The following LARGE1 variants were observed in gnomAD, a reference collection of about 807,000 sequenced individuals.
LARGE1 encodes the protein LARGE xylosyl- and glucuronyltransferase 1.
A neutral mutation model predicts 87.6 loss-of-function variants in LARGE1; 43 were observed. The observed-to-expected ratio is 0.49, with a 90% confidence interval of 0.38 to 0.63. The LOEUF (loss-of-function observed/expected upper bound fraction) is 0.63, where lower values mean the gene tolerates loss of function less well. Ranked by LOEUF, LARGE1 falls within the 30% of genes least tolerant of loss-of-function variation. The probability of loss-of-function intolerance (pLI) is 0.00; values close to 1 mark genes in which losing one functional copy is unlikely to be tolerated. For synonymous variants in LARGE1, 434 were observed against 394.6 expected (o/e 1.10, Z -1.18); for missense variants, 802 against 1,000.2 (o/e 0.80, Z 2.67).
At chr22:33,708,125 G>GA (rs2082616419) in intron 2 of LARGE1, among the ~76,000 whole-genome samples, 1 of 152,124 alleles carries the variant, frequency 6.6e-6, no homozygotes, top group African/African-American at 2.4e-5. Flanking sequence ...TCAGGCTCAG[G>GA]ACTAAGAAAG....
intron 11 of LARGE1, among the ~76,000 whole-genome samples, chr22:33,260,492 G>A (rs2145745160): frequency 6.6e-6 from 1 of 152,338 alleles, no homozygotes; most frequent in East Asian, 1.9e-4. Context: ...TGGGCTGTGA[G>A]TCTCTTATGT....
chr22:33,804,162 T>C (rs2086244103), intron 1 of LARGE1, among the ~76,000 whole-genome samples: 1 of 152,168 alleles, frequency 6.6e-6, no homozygotes, highest in African/African-American at 2.4e-5. Flanking sequence ...TAACATAACT[T>C]TTTGGGAAGT....
chr22:33,404,834 T>C lies in LARGE1; in HGVS notation c.893-20530A>G, dbSNP rs768779461. ...GCCAAACTTTGCAGTATCTACTGAG[T>C]ACAGGGTGAACTTTCTCCCTAGCAA... is the stretch of plus-strand genomic sequence containing the variant. On this transcript the variant is annotated intron_variant, in intron 7 of 14. Transcript: ENST00000397394. Among the ~76,000 whole-genome samples, 29 of 152,254 alleles carry C rather than the reference T, an allele frequency of 1.9e-4. 2 individuals carry two copies. Among genetic ancestry groups the C allele is most frequent in the Middle Eastern group, 3.4e-3 (1 of 294 alleles).
intron 9 of LARGE1, among the ~76,000 whole-genome samples, chr22:33,362,851 G>A (rs539586243): frequency 1.1e-4 from 17 of 149,618 alleles, no homozygotes; most frequent in Middle Eastern, 3.5e-3. Flanking sequence ...ACCCAGGACC[G>A]TCCTCCAATT....
At chr22:33,829,532 G>A (rs1208102106) in intron 1 of LARGE1, among the ~76,000 whole-genome samples, 5 of 152,148 alleles carry the variant, frequency 3.3e-5, no homozygotes, top group African/African-American at 4.8e-5. Context: ...CTGGCACACA[G>A]TAGGTGCTCA....
chr22:33,533,631 A>G (rs1334687297), intron 6 of LARGE1, among the ~76,000 whole-genome samples: 1 of 152,228 alleles, frequency 6.6e-6, no homozygotes, highest in African/African-American at 2.4e-5. Flanking sequence ...ACGTTAGCCC[A>G]GCAACTGCAC....
intron 1 of LARGE1, among the ~76,000 whole-genome samples, chr22:33,842,062 A>C (rs1022190753): frequency 6.6e-6 from 1 of 152,260 alleles, no homozygotes. Flanking sequence ...TGTAACATTA[A>C]ACACAGTTAC....
chr22:33,359,054 T>A (rs2064284590), intron 9 of LARGE1, among the ~76,000 whole-genome samples: 1 of 151,084 alleles, frequency 6.6e-6, no homozygotes, highest in African/African-American at 2.4e-5. Context: ...ATTAAGGGGC[T>A]CTGTTCTGGA....
At chr22:33,774,542 A>G (rs554093553) in intron 1 of LARGE1, among the ~76,000 whole-genome samples, 1 of 148,768 alleles carries the variant, frequency 6.7e-6, no homozygotes, top group South Asian at 2.3e-4. Context: ...TTTTTAGTAG[A>G]GATGGGGGTT....
At chr22:33,663,791 AG>A (rs1484635148) in intron 2 of LARGE1, among the ~76,000 whole-genome samples, 1 of 152,212 alleles carries the variant, frequency 6.6e-6, no homozygotes, top group African/African-American at 2.4e-5. Flanking sequence ...GGATTTCAGG[AG>A]CCCCTACATA....
intron 1 of LARGE1, among the ~76,000 whole-genome samples, chr22:33,848,936 C>T (rs1433601452): frequency 6.6e-6 from 1 of 151,916 alleles, no homozygotes; most frequent in African/African-American, 2.4e-5. Context: ...ATTCTTTCTC[C>T]TCCACCCCAG....
chr22:33,483,510 A>T (rs2069424357), intron 6 of LARGE1, among the ~76,000 whole-genome samples: 1 of 152,154 alleles, frequency 6.6e-6, no homozygotes, highest in Admixed American at 6.5e-5. Context: ...GACAGAGGTA[A>T]AAGAGCAAGG....
chr22:33,824,052 TGATATCA>T (rs2062711945), intron 1 of LARGE1, among the ~76,000 whole-genome samples: 2 of 152,228 alleles, frequency 1.3e-5, no homozygotes, highest in Admixed American at 1.3e-4. Flanking sequence ...CCTTTAAGGC[TGATATCA>T]TTATCCTCAT....
intron 7 of LARGE1, among the ~76,000 whole-genome samples, chr22:33,417,635 C>T (rs756282599): frequency 6.6e-6 from 1 of 152,192 alleles, no homozygotes; most frequent in Non-Finnish European, 1.5e-5. Context: ...TCAGGTGGGT[C>T]TTCTGATTAG....
intron 2 of LARGE1, among the ~76,000 whole-genome samples, chr22:33,675,959 C>T (rs146030796): frequency 0.017 from 2,525 of 150,412 alleles, 132 homozygotes; most frequent in Admixed American, 0.11. Flanking sequence ...CCAAAATCCA[C>T]GACATTTTCA....
Position 33,645,715 on chromosome 22 carries a change from AGAATCTACAAG to A in LARGE1, c.408+4641_408+4651del, listed in dbSNP as rs553704845. 3.2e-3 allele frequency among the ~76,000 whole-genome samples: 495 copies of A among 152,344 alleles called. 2 individuals are homozygous for A. The highest frequency in any genetic ancestry group is 0.011 in the African/African-American group (475 of 41,574). ...TCCATCTGACAAAGGGCTAATATCC[AGAATCTACAAG>A]GAACTTAAACAAATTAACAAGAAAA... is the stretch of plus-strand genomic sequence containing the variant. On this transcript the variant is annotated intron_variant, in intron 3 of 14. Transcript: ENST00000397394.
Position 33,274,450 on chromosome 22 carries a change from G to C in LARGE1, c.2248C>G (p.Leu750Val). The C allele has an allele frequency of 6.2e-7, 1 of 1,614,226 alleles. No homozygotes were observed. Among genetic ancestry groups the C allele is most frequent in the Non-Finnish European group, 8.5e-7 (1 of 1,180,030 alleles). Residue 750 changes from leucine to valine, a missense_variant, in exon 15 of 15, where the codon CTC (leucine) becomes GTC (valine). Transcript: ENST00000397394. ...RRYGFAALKY[L>V]TAENNS ...TGCTAGCTGTTGTTCTCGGCTGTGA[G>C]ATATTTCAGGGCAGCAAAGCCGTAG...
rs186782204 is a variant in LARGE1, at chr22:33,883,925, T to C, written c.-83+36070A>G. ...ACCACCACAGGAGACACAGTATGTT[T>C]TCCTTGTTTTGTGTGTTAGTCTATC... is the stretch of plus-strand genomic sequence containing the variant. On this transcript the variant is annotated intron_variant, in intron 1 of 14. Transcript: ENST00000397394. Among the ~76,000 whole-genome samples, 13 of 152,366 alleles carry C rather than the reference T, an allele frequency of 8.5e-5. 1 individual carries two copies. In the East Asian group the frequency reaches 2.5e-3, roughly 29 times the overall value.
intron 1 of LARGE1, among the ~76,000 whole-genome samples, chr22:33,816,552 C>T (rs369872297): frequency 2.0e-5 from 3 of 152,088 alleles, no homozygotes; most frequent in African/African-American, 4.8e-5. Flanking sequence ...GCTCCTAATA[C>T]CCTCACACAG....
Sources: allele counts gnomAD v4.1 joint callset (sites outside exome capture counted in the v4.1 genomes callset), GRCh38; gene constraint gnomAD v4.1.1; transcripts MANE v1.5; gene names NCBI Gene and HGNC (gene_info 2026-07-23, HGNC 2026-07-21).